Variants in SI observed in about 807,000 individuals in gnomAD.
SI encodes sucrase-isomaltase, intestinal.
SI carries 235 observed loss-of-function variants against 253.3 expected under a neutral mutation model. The ratio of observed to expected loss-of-function variants is 0.93; its 90% confidence interval spans 0.83 to 1.03. The LOEUF (loss-of-function observed/expected upper bound fraction) is 1.03. Among genes scored for constraint, SI ranks in the 50% least tolerant of loss-of-function variants. The pLI, the probability that SI is intolerant of heterozygous loss-of-function variation, is 0.00. For missense variants in SI, 2,442 were observed against 2,211.1 expected, an observed-to-expected ratio of 1.10 and a Z score of -2.09; for synonymous variants, 819 against 712.0, an observed-to-expected ratio of 1.15 and a Z score of -2.39.
At chr3:165,069,309 A>G in intron 3 of SI, 114 bp from the exon 4 acceptor site, 1 of 726,152 alleles carries the variant, frequency 1.4e-6, no homozygotes, top group Non-Finnish European at 2.4e-6. Flanking sequence ...CAAATGTATA[A>G]TATGCCAAAA....
rs1248872255 is a variant in SI, at chr3:165,018,055, A to T, written c.3435T>A (p.Asn1145Lys). The stretch of plus-strand genomic sequence containing the variant: ...TGTAATAGGGATGAAATCCATAGGA[A>T]TTAAGTTTGTACTGAAATACGAAAA... ...TRDQPPGYKL[N>K]SYGFHPYYMA... Residue 1145 changes from asparagine (N) to lysine (K), a missense_variant, in exon 29 of 48, where the codon AAT (asparagine) becomes AAA (lysine). By Grantham distance (94) the Asn-to-Lys change is moderately conservative (BLOSUM62 0). Coordinates refer to ENST00000264382, the MANE Select transcript of SI (RefSeq NM_001041.4). 5.0e-6 allele frequency: 8 copies of T among 1,599,218 alleles called. No individual in the cohort carries two copies. The highest frequency in any genetic ancestry group is 6.0e-6 in the Non-Finnish European group (7 of 1,166,722).
upstream of SI, among the ~76,000 whole-genome samples, chr3:165,079,730 CA>C (rs1352874303): frequency 6.6e-6 from 1 of 151,578 alleles, no homozygotes; most frequent in Non-Finnish European, 1.5e-5. Context: ...GGTCAACATA[CA>C]AAGGTCAATC....
At chr3:165,037,185 G>A (rs1022854660) in intron 21 of SI, among the ~76,000 whole-genome samples, 16 of 151,848 alleles carry the variant, frequency 1.1e-4, no homozygotes, top group South Asian at 4.2e-4. Flanking sequence ...AATGCGTATC[G>A]CTAACATACT....
In SI at chr3:164,988,432, T is replaced by A. The variant is rs552002245; in HGVS notation, c.5109-1206A>T. Among the ~76,000 whole-genome samples, 3 of 152,276 alleles carry A rather than the reference T, an allele frequency of 2.0e-5. No homozygotes were observed. The South Asian group carries it at 6.2e-4, about 32-fold the overall frequency. On this transcript the variant is annotated intron_variant, in intron 44 of 47. Transcript: ENST00000264382. ...CTAAAACTTGTGATTAGAAAGAGTT[T>A]TACAACTTTCTATACTGTACAATGA...
At chr3:165,063,569 T>C (rs1188842655) in intron 7 of SI, 28 bp from the exon 8 acceptor site, 1 of 965,290 alleles carries the variant, frequency 1.0e-6, no homozygotes, top group East Asian at 2.4e-5. Context: ...GAAAATACGA[T>C]TTTCAAATAT....
chr3:165,064,000 G>A (rs990897183), intron 7 of SI, among the ~76,000 whole-genome samples: 1 of 151,362 alleles, frequency 6.6e-6, no homozygotes, highest in Admixed American at 6.6e-5. Context: ...AACCCAAGAG[G>A]CGGAGGTCGC....
In SI at chr3:165,068,779, G is replaced by T; in HGVS notation, c.426C>A (p.Asp142Glu). ...RIPSPTLFGNDINSVLFTTQN... is the reference protein window; with the variant it reads ...RIPSPTLFGNEINSVLFTTQN... ...GAGTTGTGAAGAGAACACTGTTGATGTCATTTCCAAATAGTGTAGGTGAAG... is the reference window on the plus strand; with the variant it reads ...GAGTTGTGAAGAGAACACTGTTGATTTCATTTCCAAATAGTGTAGGTGAAG... Residue 142 changes from aspartate (D) to glutamate (E), a missense_variant, in exon 5 of 48, where the codon GAC (aspartate) becomes GAA (glutamate). Transcript: ENST00000264382. 6.2e-7 allele frequency: 1 copy of T among 1,613,896 alleles called. No homozygotes were observed. Among genetic ancestry groups the T allele is most frequent in the Non-Finnish European group, 8.5e-7 (1 of 1,179,846 alleles).
chr3:164,996,877 C>A (rs1053379218), intron 38 of SI, 105 bp from the exon 39 acceptor site: 151 of 595,470 alleles, frequency 2.5e-4, no homozygotes, highest in Non-Finnish European at 3.5e-4. Context: ...TATCAACCTC[C>A]AAACCTGAAA....
chr3:165,028,709 A>T (rs1712060711), intron 25 of SI, among the ~76,000 whole-genome samples: 1 of 150,084 alleles, frequency 6.7e-6, no homozygotes, highest in South Asian at 2.1e-4. Flanking sequence ...TATTCAACAA[A>T]TGGTGCTACG....
At chr3:165,087,053 G>A in the SI span, among the ~76,000 whole-genome samples, 1 of 152,074 alleles carries the variant, frequency 6.6e-6, no homozygotes, top group Admixed American at 6.6e-5. Context: ...AGGATGCTGG[G>A]AAAAGGTAAC....
At chr3:164,989,216 G>T (rs1717588482) in intron 44 of SI, among the ~76,000 whole-genome samples, 1 of 151,266 alleles carries the variant, frequency 6.6e-6, no homozygotes, top group South Asian at 2.1e-4. Flanking sequence ...CGTCTGGCAG[G>T]CACCTGTAAT....
Position 165,015,883 on chromosome 3 carries a change from C to A in SI, c.3888+69G>T, listed in dbSNP as rs1479964025. On this transcript the variant is annotated intron_variant, in intron 32 of 47. Transcript: ENST00000264382. ...CTTTCTATTTTGAAACATCTTCCCC[C>A]CCACCTGCTCATTTTAGGTGAATTA... 3.7e-6 allele frequency: 5 copies of A among 1,346,322 alleles called. No individual in the cohort carries two copies. The African/African-American group carries it at 7.1e-5, about 19-fold the overall frequency. 83.4% of individuals were successfully genotyped at this position (1,346,322 alleles called of 1,614,324 possible).
intron 43 of SI, 43 bp from the exon 44 acceptor site, chr3:164,991,520 G>T (rs756133802): frequency 2.4e-5 from 38 of 1,607,262 alleles, no homozygotes; most frequent in Non-Finnish European, 3.2e-5. Flanking sequence ...AGCAAGAAAT[G>T]GAATCATCAG....
At chr3:165,036,364 T>A (rs557796731) in intron 22 of SI, 25 bp downstream of exon 22, 2 of 1,500,204 alleles carry the variant, frequency 1.3e-6, no homozygotes, top group South Asian at 2.3e-5. Context: ...AGTGAACATT[T>A]AAAGCGTATT....
intron 38 of SI, among the ~76,000 whole-genome samples, chr3:164,997,460 C>A (rs1718063359): frequency 6.7e-6 from 1 of 148,364 alleles, no homozygotes; most frequent in South Asian, 2.1e-4. Context: ...TTTTTAGCAT[C>A]TATCAGTGAT....
At chr3:164,981,569 A>AACTTAAGTTAT (rs1231165759) in intron 47 of SI, among the ~76,000 whole-genome samples, 1 of 152,152 alleles carries the variant, frequency 6.6e-6, no homozygotes, top group Non-Finnish European at 1.5e-5. Flanking sequence ...GTAGTGCATA[A>AACTTAAGTTAT]GTAGGCTTAA....
chr3:165,080,729 A>T (rs144327261), upstream of SI, among the ~76,000 whole-genome samples: 416 of 152,144 alleles, frequency 2.7e-3, 2 homozygotes, highest in African/African-American at 9.3e-3. Context: ...AGGAAGGGGA[A>T]CATCGCACAC....
intron 3 of SI, among the ~76,000 whole-genome samples, chr3:165,072,071 T>G (rs1714612087): frequency 6.6e-6 from 1 of 152,106 alleles, no homozygotes; most frequent in Admixed American, 6.6e-5. Flanking sequence ...ATACAATAAT[T>G]TATACAGTAA....
chr3:165,090,116 G>A, the SI span, among the ~76,000 whole-genome samples: 86,267 of 150,762 alleles, frequency 0.57, 25,215 homozygotes, highest in East Asian at 0.81. Flanking sequence ...AACTGAGGGT[G>A]GAGGCTTTAT....
Sources: gnomAD v4.1 joint callset for allele counts (sites outside exome capture counted in the v4.1 genomes callset) on GRCh38, gnomAD v4.1.1 for gene constraint, MANE v1.5 for transcripts, NCBI Gene and HGNC (gene_info 2026-07-23, HGNC 2026-07-21) for gene names.